SEMA3F: variants seen among roughly 807,000 people sequenced by gnomAD.
The protein encoded by SEMA3F is semaphorin 3F.
SEMA3F carries 30 observed loss-of-function variants against 98.5 expected under a neutral mutation model. That is an observed-to-expected ratio of 0.30 (90% CI 0.23 to 0.41). The LOEUF (loss-of-function observed/expected upper bound fraction) is 0.41. Among genes scored for constraint, SEMA3F ranks in the 10% least tolerant of loss-of-function variants. The pLI, the probability that SEMA3F is intolerant of heterozygous loss-of-function variation, is 1.00. For missense variants in SEMA3F, 866 were observed against 1,119.3 expected (o/e 0.77, Z 3.23); for synonymous variants, 380 against 444.8 (o/e 0.85, Z 1.83).
Position 50,166,544 on chromosome 3 carries a change from C to A in SEMA3F, c.112+6810C>A, listed in dbSNP as rs1311637853. ...CTGAGGTCCTAACCCAGCCTCACTG[C>A]ATCCTCCAAGGCTGACCCCAAGCAT... On this transcript the variant is annotated intron_variant, in intron 2 of 18. Coordinates refer to ENST00000002829, the MANE Select transcript of SEMA3F (RefSeq NM_004186.5). This position sits in a 1 kb window ranked among gnomAD's most constrained non-coding sequence, Gnocchi z 4.7. Among the ~76,000 whole-genome samples, 2 of 152,232 alleles carry A rather than the reference C, an allele frequency of 1.3e-5. No homozygotes were observed. The highest frequency in any genetic ancestry group is 2.9e-5 in the Non-Finnish European group (2 of 68,048).
At chr3:50,187,323 T>G (rs1426134819) in intron 18 of SEMA3F, among the ~76,000 whole-genome samples, 3 of 148,596 alleles carry the variant, frequency 2.0e-5, no homozygotes, top group Admixed American at 7.0e-5. Context: ...CTTGGGAGGC[T>G]AAGGTGGGAG....
At position 50,158,518 on chromosome 3, in the gene SEMA3F, C is replaced by G. The variant is rs911998286; in HGVS notation, c.-48-1057C>G. Among the ~76,000 whole-genome samples the G allele has an allele frequency of 6.6e-6, 1 of 152,212 alleles. No homozygotes were observed. The highest frequency in any genetic ancestry group is 1.5e-5 in the Non-Finnish European group (1 of 68,036). On this transcript the variant is annotated intron_variant, in intron 1 of 18. Transcript: ENST00000002829. The surrounding 1 kb of genome is among the most constrained non-coding windows in gnomAD (Gnocchi z 4.8). ...TTGAGCAGCTATGGCAGGGGAGTCC[C>G]AGGCCATAGTACTGCCAACTCCCAT...
intron 6 of SEMA3F, 81 bp from the exon 7 acceptor site, chr3:50,176,687 C>G (rs1698824542): frequency 9.7e-7 from 1 of 1,027,948 alleles, no homozygotes; most frequent in Non-Finnish European, 1.5e-6. Context: ...GGCTCATTCT[C>G]ACCCTGGGAG....
At chr3:50,180,794 C>T (rs572439239) in intron 7 of SEMA3F, among the ~76,000 whole-genome samples, 7 of 152,238 alleles carry the variant, frequency 4.6e-5, no homozygotes, top group Admixed American at 2.0e-4. Flanking sequence ...AGGCAAGGCG[C>T]GGTGGCTCAT....
Position 50,187,891 on chromosome 3 carries a change from A to G in SEMA3F, c.2134A>G (p.Met712Val), listed in dbSNP as rs759884213. ...VHAALFPPLSMSAPPPPGAGP... is the reference protein window; with the variant it reads ...VHAALFPPLSVSAPPPPGAGP... ...TGCTGCCCTCTTCCCACCACTGTCC[A>G]TGAGCGCCCCGCCACCCCCAGGCGC... Residue 712 changes from methionine to valine, a missense_variant, in exon 19 of 19, where the codon ATG becomes GTG. Transcript: ENST00000002829. The G allele has an allele frequency of 6.8e-6, 11 of 1,609,704 alleles. No homozygotes were observed. In the Admixed American group the frequency reaches 1.8e-4, roughly 27 times the overall value.
chr3:50,160,785 T>TC (rs764050308), intron 2 of SEMA3F, among the ~76,000 whole-genome samples: 8 of 152,116 alleles, frequency 5.3e-5, no homozygotes, highest in Non-Finnish European at 1.0e-4. Flanking sequence ...CCTCACCATG[T>TC]CCCCCAGCAG....
chr3:50,183,113 C>G, intron 10 of SEMA3F, 73 bp from the exon 11 acceptor site: 2 of 1,573,522 alleles, frequency 1.3e-6, no homozygotes, highest in Non-Finnish European at 1.7e-6. Flanking sequence ...GCCCCCTCCC[C>G]TGTGCAGGAG....
chr3:50,159,548 C>T, intron 1 of SEMA3F, 27 bp from the exon 2 acceptor site: 1 of 870,690 alleles, frequency 1.1e-6, no homozygotes, highest in Non-Finnish European at 1.8e-6. Context: ...CTGCCTCACA[C>T]ATTCCAATCT....
At chr3:50,159,345 C>G (rs1482778085) in intron 1 of SEMA3F, 1 of 406,150 alleles carries the variant, frequency 2.5e-6, no homozygotes, top group Non-Finnish European at 4.3e-6. Context: ...GGGTTTGAGT[C>G]TCCAGCAGCC....
In SEMA3F at chr3:50,166,508, G is replaced by C. The variant is rs572465008; in HGVS notation, c.112+6774G>C. On this transcript the variant is annotated intron_variant, in intron 2 of 18. Coordinates refer to ENST00000002829, the MANE Select transcript of SEMA3F (RefSeq NM_004186.5). This position sits in a 1 kb window ranked among gnomAD's most constrained non-coding sequence, Gnocchi z 4.7. Reference sequence around the variant, plus strand: ...ACTGCCTGCCCTTGACTGGCTACCTGCTGAGTCCTGCTGAGGTCCTAACCC... The same window carrying C: ...ACTGCCTGCCCTTGACTGGCTACCTCCTGAGTCCTGCTGAGGTCCTAACCC... Among the ~76,000 whole-genome samples the C allele has an allele frequency of 2.0e-5, 3 of 152,326 alleles. No individual in the cohort carries two copies. The highest frequency in any genetic ancestry group is 6.5e-5 in the Admixed American group (1 of 15,296).
chr3:50,185,753 T>A, intron 15 of SEMA3F, 46 bp downstream of exon 15: 2 of 1,611,484 alleles, frequency 1.2e-6, no homozygotes, highest in Non-Finnish European at 1.7e-6. Flanking sequence ...AGGGCCTGCA[T>A]CCCCTCAGGG....
intron 2 of SEMA3F, among the ~76,000 whole-genome samples, chr3:50,170,702 T>C (rs1698567718): frequency 6.6e-6 from 1 of 151,924 alleles, no homozygotes; most frequent in Non-Finnish European, 1.5e-5. Context: ...CCAACTCAGG[T>C]CATGAAGCTC....
chr3:50,182,602 A>T lies in SEMA3F; in HGVS notation c.764-42A>T. 1 of 1,600,980 alleles carries T rather than the reference A, an allele frequency of 6.2e-7. No individual in the cohort carries two copies. The highest frequency in any genetic ancestry group is 8.5e-7 in the Non-Finnish European group (1 of 1,170,618). On this transcript the variant is annotated intron_variant, in intron 8 of 18. Coordinates refer to ENST00000002829, the MANE Select transcript of SEMA3F (RefSeq NM_004186.5). This position sits in a 1 kb window ranked among gnomAD's most constrained non-coding sequence, Gnocchi z 4.5. ...TCTGTTGGAGAACATCAGGGGCACC[A>T]TCAGAGTAGGGGCTCACCCAGCTGA...
intron 2 of SEMA3F, among the ~76,000 whole-genome samples, chr3:50,172,723 C>T (rs1234987533): frequency 1.3e-5 from 2 of 152,132 alleles, no homozygotes; most frequent in Non-Finnish European, 2.9e-5. Flanking sequence ...GCAGTGTGTC[C>T]AGCAGGGCTT....
At chr3:50,176,286 G>C (rs1023261370) in intron 6 of SEMA3F, among the ~76,000 whole-genome samples, 1 of 152,160 alleles carries the variant, frequency 6.6e-6, no homozygotes, top group Non-Finnish European at 1.5e-5. Context: ...GAGCTCTCTG[G>C]CCTGGCTAGA....
intron 17 of SEMA3F, 36 bp from the exon 18 acceptor site, chr3:50,186,577 T>C (rs746022288): frequency 1.3e-5 from 21 of 1,570,964 alleles, no homozygotes; most frequent in Non-Finnish European, 1.8e-5. Context: ...TGCCCGGAGG[T>C]GATGCTGCTT....
intron 2 of SEMA3F, among the ~76,000 whole-genome samples, chr3:50,170,801 C>G (rs1698570832): frequency 6.6e-6 from 1 of 151,888 alleles, no homozygotes; most frequent in African/African-American, 2.4e-5. Context: ...CTCCCCCTCC[C>G]CCCACACTGT....
intron 12 of SEMA3F, among the ~76,000 whole-genome samples, chr3:50,184,060 T>C (rs943559849): frequency 5.9e-5 from 9 of 152,072 alleles, no homozygotes; most frequent in Non-Finnish European, 2.9e-5. Context: ...AGGACTGGGC[T>C]GGAGAAGCTG....
At chr3:50,177,150 C>G (rs1698846322) in intron 7 of SEMA3F, among the ~76,000 whole-genome samples, 4 of 152,220 alleles carry the variant, frequency 2.6e-5, no homozygotes, top group Admixed American at 2.6e-4. Context: ...GTCCAGAACC[C>G]TCCTGACCAT....
Sources: gnomAD v4.1 joint callset for allele counts (sites outside exome capture counted in the v4.1 genomes callset) on GRCh38, gnomAD v4.1.1 for gene constraint, Gnocchi (gnomAD v3.1) non-coding constraint, MANE v1.5 for transcripts, NCBI Gene and HGNC (gene_info 2026-07-23, HGNC 2026-07-21) for gene names.